The following GRAMD1B variants were observed in gnomAD, a reference collection of about 807,000 sequenced individuals.
GRAMD1B encodes GRAM domain containing 1B, also known as protein Aster-B.
Under a neutral mutation model 99.7 loss-of-function variants are expected in GRAMD1B, and 37 were observed. That is an observed-to-expected ratio of 0.37 (90% CI 0.29 to 0.49). The LOEUF (loss-of-function observed/expected upper bound fraction) is 0.49. GRAMD1B is among the 20% of genes least tolerant of loss of function. The pLI, the probability that GRAMD1B is intolerant of heterozygous loss-of-function variation, is 0.98. For synonymous variants in GRAMD1B, 427 were observed against 387.6 expected (o/e 1.10, Z -1.19); for missense variants, 888 against 1,009.2 (o/e 0.88, Z 1.63).
chr11:123,377,440 AG>A (rs1946725609), intron 1 of GRAMD1B, among the ~76,000 whole-genome samples: 1 of 152,212 alleles, frequency 6.6e-6, no homozygotes, highest in Non-Finnish European at 1.5e-5. Context: ...AAAGTTCCTT[AG>A]GAGAAACAGA....
intron 1 of GRAMD1B, among the ~76,000 whole-genome samples, chr11:123,456,112 T>C (rs114325309): frequency 0.044 from 6,628 of 151,638 alleles, 415 homozygotes; most frequent in East Asian, 0.13. Flanking sequence ...TGGAGGGAGG[T>C]TGCAGTGAGC....
At position 123,591,492 on chromosome 11, in the gene GRAMD1B, C is replaced by T; in HGVS notation, c.685-2590C>T. ...TACCTGAAGCAGCTTGGCCATGCACCTGCTGCCGCTGAACACCGTTGCTGG... is the reference window on the plus strand; with the variant it reads ...TACCTGAAGCAGCTTGGCCATGCACTTGCTGCCGCTGAACACCGTTGCTGG... On this transcript the variant is annotated intron_variant, in intron 4 of 19. Coordinates refer to ENST00000635736, the MANE Select transcript of GRAMD1B (RefSeq NM_001387025.1). This position sits in a 1 kb window ranked among gnomAD's most constrained non-coding sequence, Gnocchi z 4.7. 2.5e-6 allele frequency: 1 copy of T among 399,024 alleles called. No individual in the cohort carries two copies. The highest frequency in any genetic ancestry group is 4.4e-6 in the Non-Finnish European group (1 of 226,082). 24.7% of individuals were successfully genotyped at this position (399,024 alleles called of 1,614,324 possible).
Position 123,379,309 on chromosome 11 carries a change from C to T in GRAMD1B, c.-176+20510C>T, listed in dbSNP as rs548841604. On this transcript the variant is annotated intron_variant, in intron 1 of 20. Coordinates refer to the GRAMD1B transcript ENST00000638157. The stretch of plus-strand genomic sequence containing the variant: ...CCCAGGAAGACTTTCAGTTTGAATG[C>T]TTTCGTTGACGGATGATGCCTACCT... Among the ~76,000 whole-genome samples, 134 of 152,260 alleles carry T rather than the reference C, an allele frequency of 8.8e-4. No homozygotes were observed. In the Middle Eastern group the frequency reaches 0.014, roughly 15 times the overall value.
intron 1 of GRAMD1B, among the ~76,000 whole-genome samples, chr11:123,386,759 C>T (rs1020304939): frequency 6.6e-6 from 1 of 152,178 alleles, no homozygotes; most frequent in Non-Finnish European, 1.5e-5. Flanking sequence ...TCACACTATA[C>T]TTCTTCCTTA....
chr11:123,572,316 T>A (rs528407718), intron 2 of GRAMD1B, among the ~76,000 whole-genome samples: 1 of 152,178 alleles, frequency 6.6e-6, no homozygotes, highest in Non-Finnish European at 1.5e-5. Flanking sequence ...AATCCCAAGA[T>A]TTTGAAATAT....
chr11:123,619,333 C>T (rs1217163392), intron 19 of GRAMD1B, 109 bp downstream of exon 19: 4 of 1,527,746 alleles, frequency 2.6e-6, no homozygotes, highest in Admixed American at 2.0e-5. Context: ...AGACTTCTCC[C>T]TCCAATTCAT....
At chr11:123,487,327 C>G (rs1328239402) in intron 2 of GRAMD1B, among the ~76,000 whole-genome samples, 1 of 152,144 alleles carries the variant, frequency 6.6e-6, no homozygotes, top group Non-Finnish European at 1.5e-5. Context: ...CAGCTGAGAA[C>G]TGCAAGAGGA....
exon 1 of GRAMD1B, chr11:123,358,524 A>C (rs1322007651): frequency 4.6e-5 from 7 of 152,202 alleles, no homozygotes; most frequent in Admixed American, 1.3e-4. Flanking sequence ...GCCTGGGCGC[A>C]GCCGGCCGTC....
chr11:123,612,647 T>G lies in GRAMD1B; in HGVS notation c.1920-114T>G. On this transcript the variant is annotated intron_variant, in intron 14 of 19. Coordinates refer to ENST00000635736, the MANE Select transcript of GRAMD1B (RefSeq NM_001387025.1). ...GGATGTGGAAGGACCTTTTAACTTG[T>G]AAAGTTTAGTACAAATGTGAAGCGG... 3 of 717,120 alleles carry G rather than the reference T, an allele frequency of 4.2e-6. No homozygotes were observed. In the Admixed American group the frequency reaches 6.0e-5, roughly 14 times the overall value. 44.4% of individuals were successfully genotyped at this position (717,120 alleles called of 1,614,324 possible).
At chr11:123,508,879 T>A (rs1342374756) in intron 2 of GRAMD1B, among the ~76,000 whole-genome samples, 1 of 152,014 alleles carries the variant, frequency 6.6e-6, no homozygotes, top group Non-Finnish European at 1.5e-5. Context: ...GAGACGGAGT[T>A]TTATTATGTT....
intron 17 of GRAMD1B, among the ~76,000 whole-genome samples, chr11:123,616,693 G>C (rs1203694670): frequency 1.3e-5 from 2 of 152,226 alleles, no homozygotes; most frequent in East Asian, 3.8e-4. Flanking sequence ...GCAGGCTCTT[G>C]CCCCCACATG....
chr11:123,595,898 C>T (rs767237624), intron 6 of GRAMD1B, 44 bp from the exon 7 acceptor site: 1 of 1,092,048 alleles, frequency 9.2e-7, no homozygotes, highest in East Asian at 2.5e-5. Context: ...CTTACTAATG[C>T]CCCACTTTGC....
chr11:123,403,085 A>G (rs1339388174), intron 1 of GRAMD1B, among the ~76,000 whole-genome samples: 2 of 152,060 alleles, frequency 1.3e-5, no homozygotes, highest in Non-Finnish European at 2.9e-5. Context: ...ATCCAAACAC[A>G]GACTCTTTCC....
chr11:123,584,313 A>G lies in GRAMD1B; in HGVS notation c.665A>G (p.Lys222Arg). The G allele has an allele frequency of 1.0e-6, 1 of 958,646 alleles. No homozygotes were observed. Among genetic ancestry groups the G allele is most frequent in the South Asian group, 1.8e-5 (1 of 56,164 alleles). The allele number at this position is 958,646 out of a possible 1,614,324, so 59.4% of individuals were successfully genotyped here. A position where few individuals can be genotyped will look rare whatever the true frequency, so the allele number is the denominator to read the frequency against. Residue 222 changes from lysine (K) to arginine (R), a missense_variant and splice_region_variant, in exon 4 of 20, where the codon AAA (lysine) becomes AGA (arginine). Physicochemically the swap from Lys to Arg is conservative, Grantham distance 26. Coordinates refer to ENST00000635736, the MANE Select transcript of GRAMD1B (RefSeq NM_001387025.1). ...TTCTCTTTCATTTTCTCTTTTCAGA[A>G]AAGCCAGAGTTGGTATAATGTAAGT... ...SGRSGGKNSK[K>R]SQSWYNVLSP... is the part of the protein sequence containing the mutation.
Position 123,610,440 on chromosome 11 carries a change from T to C in GRAMD1B, c.1919+102T>C, listed in dbSNP as rs1953383959. On this transcript the variant is annotated intron_variant, in intron 14 of 19. Coordinates refer to ENST00000635736, the MANE Select transcript of GRAMD1B (RefSeq NM_001387025.1). The surrounding 1 kb of genome is among the most constrained non-coding windows in gnomAD (Gnocchi z 4.1). ...AAGGAGGAGGTGGGGAGTGCTTGGC[T>C]GCTGACTCTCTTTATTCTACTTTCT... 3 of 1,136,872 alleles carry C rather than the reference T, an allele frequency of 2.6e-6. No homozygotes were observed. The highest frequency in any genetic ancestry group is 3.6e-5 in the Admixed American group (2 of 56,152). The allele number at this position is 1,136,872 out of a possible 1,614,324, so 70.4% of individuals were successfully genotyped here.
intron 1 of GRAMD1B, among the ~76,000 whole-genome samples, chr11:123,371,473 T>TA (rs1946527626): frequency 6.6e-6 from 1 of 152,208 alleles, no homozygotes; most frequent in African/African-American, 2.4e-5. Flanking sequence ...CACAATGCCT[T>TA]ACAATAAATT....
At chr11:123,432,555 CAAA>C (rs11380139) in intron 1 of GRAMD1B, among the ~76,000 whole-genome samples, 1 of 126,418 alleles carries the variant, frequency 7.9e-6, no homozygotes, top group Non-Finnish European at 1.7e-5. Flanking sequence ...GACTCTGTCT[CAAA>C]AAAAAAAAAA....
rs181848517 is a variant in GRAMD1B, at chr11:123,370,073, G to A, written c.-176+11274G>A. Among the ~76,000 whole-genome samples, 571 of 151,978 alleles carry A rather than the reference G, an allele frequency of 3.8e-3. 5 individuals are homozygous for A. Among genetic ancestry groups the A allele is most frequent in the African/African-American group, 0.013 (551 of 41,458 alleles). The stretch of plus-strand genomic sequence containing the variant: ...CTCATGCCTGTGATTCTAGCACACT[G>A]GGGGGCTGAGGCAGGCAGATCACTT... On this transcript the variant is annotated intron_variant, in intron 1 of 20. Coordinates refer to the GRAMD1B transcript ENST00000638157.
intron 1 of GRAMD1B, among the ~76,000 whole-genome samples, chr11:123,370,175 G>T (rs999353244): frequency 6.6e-5 from 10 of 151,814 alleles, no homozygotes; most frequent in Non-Finnish European, 1.5e-5. Context: ...ATTAGCTGGG[G>T]ATGGTGATGC....
Sources: gnomAD v4.1 joint callset for allele counts (sites outside exome capture counted in the v4.1 genomes callset) on GRCh38, gnomAD v4.1.1 for gene constraint, Gnocchi (gnomAD v3.1) non-coding constraint, MANE v1.5 for transcripts, NCBI Gene and HGNC (gene_info 2026-07-23, HGNC 2026-07-21) for gene names.